FHIT: variants seen among roughly 807,000 people sequenced by gnomAD.
FHIT encodes fragile histidine triad diadenosine triphosphatase.
Under a neutral mutation model 17.9 loss-of-function variants are expected in FHIT, and 19 were observed. The observed-to-expected ratio is 1.06, with a 90% CI of 0.74 to 1.56. The LOEUF is 1.56. Among genes scored for constraint, FHIT ranks in the 40% most tolerant of loss-of-function variants. FHIT has a pLI of 0.00. For synonymous variants in FHIT, 81 were observed against 69.7 expected (o/e 1.16, Z -0.81); for missense variants, 248 against 189.2 (o/e 1.31, Z -1.82).
intron 5 of FHIT, among the ~76,000 whole-genome samples, chr3:60,102,118 A>C (rs1286152612): frequency 3.3e-5 from 5 of 152,330 alleles, no homozygotes; most frequent in African/African-American, 7.2e-5. Flanking sequence ...TCGTACCTTT[A>C]TCTTCAATAC....
intron 5 of FHIT, among the ~76,000 whole-genome samples, chr3:60,533,297 C>G (rs73103785): frequency 0.046 from 7,064 of 152,256 alleles, 222 homozygotes; most frequent in Middle Eastern, 0.11. Context: ...CACATCCTGT[C>G]TCTCTATTCT....
intron 5 of FHIT, among the ~76,000 whole-genome samples, chr3:60,134,869 G>C (rs770816826): frequency 6.6e-6 from 1 of 152,032 alleles, no homozygotes; most frequent in African/African-American, 2.4e-5. Flanking sequence ...TCTTTCACTA[G>C]CTCATTACCA....
At chr3:60,869,802 T>C (rs1704326693) in intron 3 of FHIT, among the ~76,000 whole-genome samples, 1 of 152,078 alleles carries the variant, frequency 6.6e-6, no homozygotes, top group Non-Finnish European at 1.5e-5. Context: ...TCACTGCAAG[T>C]TGTCTCATCC....
chr3:60,636,450 A>AG (rs36086848), intron 4 of FHIT, among the ~76,000 whole-genome samples: 33,135 of 152,096 alleles, frequency 0.22, 3,961 homozygotes, highest in Admixed American at 0.28. Flanking sequence ...ACAGTTAAAA[A>AG]ACAGTTCACT....
intron 5 of FHIT, among the ~76,000 whole-genome samples, chr3:60,393,410 T>C (rs1210187429): frequency 6.7e-6 from 1 of 149,470 alleles, no homozygotes; most frequent in Non-Finnish European, 1.5e-5. Context: ...TAATGTTACA[T>C]ATATAATATA....
chr3:60,617,533 GC>G (rs1283134184), intron 4 of FHIT: 1 of 152,990 alleles, frequency 6.5e-6, no homozygotes, highest in African/African-American at 2.4e-5. Flanking sequence ...AGGGTACCAA[GC>G]AGGTAAAAAC....
At chr3:60,917,126 T>C (rs1444333736) in intron 3 of FHIT, among the ~76,000 whole-genome samples, 1 of 152,128 alleles carries the variant, frequency 6.6e-6, no homozygotes, top group Non-Finnish European at 1.5e-5. Flanking sequence ...ATTGGGTAAA[T>C]AGAAATAAAA....
chr3:60,694,257 C>T lies in FHIT; in HGVS notation c.-18+127662G>A, dbSNP rs184127002. Reference sequence around the variant, plus strand: ...TTTAGGCTCCTCAGAAAACCCGATGCTCTCTTTGCATTACTAGCCAATGTG... The same window carrying T: ...TTTAGGCTCCTCAGAAAACCCGATGTTCTCTTTGCATTACTAGCCAATGTG... On this transcript the variant is annotated intron_variant, in intron 4 of 9. Coordinates refer to ENST00000492590, the MANE Select transcript of FHIT (RefSeq NM_002012.4). Among the ~76,000 whole-genome samples, 15 of 151,682 alleles carry T rather than the reference C, an allele frequency of 9.9e-5. No individual in the cohort carries two copies. The East Asian group carries it at 2.7e-3, about 27-fold the overall frequency.
intron 7 of FHIT, among the ~76,000 whole-genome samples, chr3:59,973,801 A>G (rs1708290357): frequency 1.3e-5 from 2 of 152,162 alleles, no homozygotes; most frequent in South Asian, 4.1e-4. Flanking sequence ...TTCTCAGCCC[A>G]CTGATTTCTG....
intron 5 of FHIT, among the ~76,000 whole-genome samples, chr3:60,139,856 G>T (rs756477779): frequency 6.6e-6 from 1 of 151,832 alleles, no homozygotes; most frequent in East Asian, 1.9e-4. Flanking sequence ...CCACGCAATG[G>T]CTCTCACCTG....
chr3:61,000,106 G>A (rs1246886046), intron 3 of FHIT, among the ~76,000 whole-genome samples: 3 of 152,162 alleles, frequency 2.0e-5, no homozygotes, highest in African/African-American at 4.8e-5. Context: ...AGCATGGAAT[G>A]TCCTGAGTGA....
Position 61,145,489 on chromosome 3 carries a change from T to C in FHIT, c.-164+55128A>G, listed in dbSNP as rs866860510. Among the ~76,000 whole-genome samples, 5 of 152,210 alleles carry C rather than the reference T, an allele frequency of 3.3e-5. No homozygotes were observed. The Middle Eastern group carries it at 0.01, about 311-fold the overall frequency. On this transcript the variant is annotated intron_variant, in intron 2 of 9. Coordinates refer to ENST00000492590, the MANE Select transcript of FHIT (RefSeq NM_002012.4). Reference sequence around the variant, plus strand: ...TCTTTCTTCTTTTTCAAGATTGTTTTGGCTATTCTGGATATTTGCAGTTCC... The same window carrying C: ...TCTTTCTTCTTTTTCAAGATTGTTTCGGCTATTCTGGATATTTGCAGTTCC...
chr3:59,942,569 C>T (rs192137854), intron 7 of FHIT, among the ~76,000 whole-genome samples: 149 of 152,272 alleles, frequency 9.8e-4, no homozygotes, highest in African/African-American at 3.4e-3. Context: ...CTTGGATATT[C>T]CTCCAGAATC....
At chr3:60,524,520 G>A (rs778901759) in intron 5 of FHIT, among the ~76,000 whole-genome samples, 4 of 152,262 alleles carry the variant, frequency 2.6e-5, no homozygotes, top group Middle Eastern at 3.4e-3. Flanking sequence ...GGATCTGAGC[G>A]AATGTGGGGA....
chr3:60,778,050 T>C (rs1242650732), intron 4 of FHIT, among the ~76,000 whole-genome samples: 1 of 152,188 alleles, frequency 6.6e-6, no homozygotes, highest in African/African-American at 2.4e-5. Flanking sequence ...ACAGAATTAT[T>C]TGACATGTTT....
intron 2 of FHIT, among the ~76,000 whole-genome samples, chr3:61,061,931 T>C (rs1042505920): frequency 2.6e-5 from 4 of 152,200 alleles, no homozygotes; most frequent in Admixed American, 6.5e-5. Flanking sequence ...CATACAGACA[T>C]ATATTTTTCT....
intron 5 of FHIT, among the ~76,000 whole-genome samples, chr3:60,471,012 T>C (rs473944): frequency 0.5 from 76,370 of 152,112 alleles, 21,508 homozygotes; most frequent in African/African-American, 0.75. Flanking sequence ...AAACGCTGTC[T>C]GGAAGCCAAG....
chr3:60,484,003 C>T (rs2033729120), intron 5 of FHIT, among the ~76,000 whole-genome samples: 1 of 151,958 alleles, frequency 6.6e-6, no homozygotes, highest in South Asian at 2.1e-4. Context: ...AATCAATGTG[C>T]AAAAATCACA....
intron 5 of FHIT, among the ~76,000 whole-genome samples, chr3:60,170,194 T>A (rs955502077): frequency 2.0e-5 from 3 of 152,076 alleles, no homozygotes; most frequent in Non-Finnish European, 4.4e-5. Flanking sequence ...TGACAGCAGG[T>A]TAATAAGATG....
Sources: allele counts gnomAD v4.1 joint callset (sites outside exome capture counted in the v4.1 genomes callset), GRCh38; gene constraint gnomAD v4.1.1; transcripts MANE v1.5; gene names NCBI Gene and HGNC (gene_info 2026-07-23, HGNC 2026-07-21).